Variants in INPP4B observed in about 807,000 individuals in gnomAD.
The protein encoded by INPP4B is inositol polyphosphate 4-phosphatase type II.
In INPP4B, 55 loss-of-function variants were observed where a neutral mutation model predicts 122.5. The observed-to-expected ratio is 0.45, with a 90% CI of 0.36 to 0.56. INPP4B has a LOEUF of 0.56. INPP4B is among the 20% of genes least tolerant of loss of function. The probability of loss-of-function intolerance (pLI) is 0.00; values close to 1 mark genes in which losing one functional copy is unlikely to be tolerated. For missense variants in INPP4B, 1,000 were observed against 1,097.7 expected, an observed-to-expected ratio of 0.91 and a Z score of 1.26; for synonymous variants, 403 against 388.7, an observed-to-expected ratio of 1.04 and a Z score of -0.43.
At chr4:142,300,494 A>G (rs184999275) in intron 9 of INPP4B, among the ~76,000 whole-genome samples, 12 of 152,310 alleles carry the variant, frequency 7.9e-5, no homozygotes, top group African/African-American at 2.6e-4. Context: ...ATAAAAGCTT[A>G]AAAACCTCAC....
intron 15 of INPP4B, among the ~76,000 whole-genome samples, chr4:142,183,978 A>G (rs1270135923): frequency 6.6e-6 from 1 of 152,150 alleles, no homozygotes; most frequent in Non-Finnish European, 1.5e-5. Flanking sequence ...AGAAAATCCA[A>G]GAGTGGTTAT....
chr4:142,498,487 T>C (rs1186786333), intron 2 of INPP4B, among the ~76,000 whole-genome samples: 2 of 152,128 alleles, frequency 1.3e-5, no homozygotes, highest in Middle Eastern at 3.4e-3. Flanking sequence ...AAAAGTATTA[T>C]TAAAAAAGGA....
chr4:142,138,647 C>A (rs1225092179), intron 18 of INPP4B, among the ~76,000 whole-genome samples: 1 of 152,138 alleles, frequency 6.6e-6, no homozygotes, highest in Non-Finnish European at 1.5e-5. Flanking sequence ...TGCCCACTAG[C>A]TCTGTGATCT....
At chr4:142,811,797 C>T (rs1014236319) in intron 1 of INPP4B, among the ~76,000 whole-genome samples, 1 of 151,988 alleles carries the variant, frequency 6.6e-6, no homozygotes, top group African/African-American at 2.4e-5. Context: ...CATCAGCTCC[C>T]CACTCCATGA....
At chr4:142,116,523 T>C (rs12640550) in intron 21 of INPP4B, among the ~76,000 whole-genome samples, 19,105 of 152,024 alleles carry the variant, frequency 0.13, 1,375 homozygotes, top group East Asian at 0.24. Flanking sequence ...CAAAACTGCT[T>C]GACTATGTGG....
At chr4:142,157,906 T>C (rs1479713959) in intron 17 of INPP4B, among the ~76,000 whole-genome samples, 4 of 152,036 alleles carry the variant, frequency 2.6e-5, no homozygotes, top group African/African-American at 7.2e-5. Context: ...TTCTACTTTA[T>C]GGATAAAAGC....
intron 3 of INPP4B, among the ~76,000 whole-genome samples, chr4:142,434,247 A>G (rs1471186567): frequency 6.6e-6 from 1 of 152,084 alleles, no homozygotes; most frequent in Non-Finnish European, 1.5e-5. Flanking sequence ...AGCTGAAGAC[A>G]CTCCTGAAAT....
At chr4:142,415,913 G>T (rs1415881295) in intron 5 of INPP4B, among the ~76,000 whole-genome samples, 2 of 150,342 alleles carry the variant, frequency 1.3e-5, no homozygotes, top group African/African-American at 4.9e-5. Flanking sequence ...ACAAAAAACC[G>T]AACACCGCAT....
chr4:142,373,102 T>G (rs1171149646), intron 7 of INPP4B, among the ~76,000 whole-genome samples: 1 of 152,038 alleles, frequency 6.6e-6, no homozygotes, highest in East Asian at 1.9e-4. Flanking sequence ...GCTCTAACAA[T>G]GACTATTTTG....
At chr4:142,684,719 T>A (rs1411921807) in intron 2 of INPP4B, among the ~76,000 whole-genome samples, 1 of 152,070 alleles carries the variant, frequency 6.6e-6, no homozygotes, top group Non-Finnish European at 1.5e-5. Flanking sequence ...TGAAAAGGTA[T>A]CCTTGATATT....
chr4:142,584,198 G>T (rs1276665151), intron 2 of INPP4B, among the ~76,000 whole-genome samples: 1 of 151,930 alleles, frequency 6.6e-6, no homozygotes, highest in African/African-American at 2.4e-5. Flanking sequence ...GTTCTAGATA[G>T]TCAGAATAAT....
intron 25 of INPP4B, among the ~76,000 whole-genome samples, chr4:142,042,534 GTATGTATGTATGTATGTATGTATGTATT>G (rs1311302371): frequency 6.4e-3 from 165 of 25,702 alleles, no homozygotes; most frequent in Middle Eastern, 0.036. Context: ...ATGTATGTAT[GTATGTATGTATGTATGTATGTATGTATT>G]TATTTATTTA....
intron 2 of INPP4B, among the ~76,000 whole-genome samples, chr4:142,570,116 C>T (rs934662668): frequency 6.6e-6 from 1 of 152,082 alleles, no homozygotes; most frequent in African/African-American, 2.4e-5. Flanking sequence ...TAAGAAGTCA[C>T]ATCATTTTTC....
intron 3 of INPP4B, among the ~76,000 whole-genome samples, chr4:142,454,212 G>C (rs1478743772): frequency 6.6e-6 from 1 of 152,144 alleles, no homozygotes; most frequent in Non-Finnish European, 1.5e-5. Flanking sequence ...TAAATATCAT[G>C]ATTAATTCAT....
intron 7 of INPP4B, among the ~76,000 whole-genome samples, chr4:142,348,365 G>C (rs796467544): frequency 2.0e-5 from 3 of 151,840 alleles, no homozygotes; most frequent in Non-Finnish European, 4.4e-5. Flanking sequence ...TTACTATTTG[G>C]TCTTGTTTAA....
intron 2 of INPP4B, among the ~76,000 whole-genome samples, chr4:142,599,565 G>T (rs1197511539): frequency 2.6e-5 from 4 of 152,014 alleles, no homozygotes; most frequent in Admixed American, 2.6e-4. Context: ...AAATCTAGAA[G>T]AAGCCACTGT....
intron 2 of INPP4B, among the ~76,000 whole-genome samples, chr4:142,466,395 C>T (rs750644749): frequency 6.6e-6 from 1 of 152,196 alleles, no homozygotes; most frequent in African/African-American, 2.4e-5. Context: ...AACTTTAAGA[C>T]TGATGACTTA....
At chr4:142,526,150 C>G (rs1826884863) in intron 2 of INPP4B, among the ~76,000 whole-genome samples, 1 of 152,014 alleles carries the variant, frequency 6.6e-6, no homozygotes, top group Non-Finnish European at 1.5e-5. Flanking sequence ...AAATAGTTAT[C>G]AATACATGTG....
At chr4:142,263,617 C>T (rs1198945102) in intron 10 of INPP4B, among the ~76,000 whole-genome samples, 2 of 112,818 alleles carry the variant, frequency 1.8e-5, no homozygotes, top group Non-Finnish European at 1.8e-5. Context: ...GAAAATAGAC[C>T]ACAAATGAGA....
Sources: allele counts gnomAD v4.1 joint callset (sites outside exome capture counted in the v4.1 genomes callset), GRCh38; gene constraint gnomAD v4.1.1; transcripts MANE v1.5; gene names NCBI Gene and HGNC (gene_info 2026-07-23, HGNC 2026-07-21).